Variants in ACVR1 observed in about 807,000 individuals in gnomAD.
ACVR1 encodes activin receptor type-1.
A neutral mutation model predicts 57.1 loss-of-function variants in ACVR1; 38 were observed. The observed-to-expected ratio is 0.67, with a 90% confidence interval of 0.51 to 0.87. The LOEUF (loss-of-function observed/expected upper bound fraction) is 0.87. Among genes scored for constraint, ACVR1 ranks in the 40% least tolerant of loss-of-function variants. The probability of loss-of-function intolerance (pLI) is 0.00; values close to 1 mark genes in which losing one functional copy is unlikely to be tolerated. For missense variants in ACVR1, 463 were observed against 638.2 expected (o/e 0.73, Z 2.96); for synonymous variants, 212 against 228.1 (o/e 0.93, Z 0.63).
intron 9 of ACVR1, among the ~76,000 whole-genome samples, chr2:157,752,048 C>CA (rs1336027106): frequency 6.6e-6 from 1 of 152,184 alleles, no homozygotes; most frequent in African/African-American, 2.4e-5. Context: ...CTCACAGAGT[C>CA]CATTTCATTC....
intron 9 of ACVR1, among the ~76,000 whole-genome samples, chr2:157,753,203 T>TA (rs1685277039): frequency 6.6e-6 from 1 of 152,090 alleles, no homozygotes; most frequent in Admixed American, 6.5e-5. Flanking sequence ...CAACATCATT[T>TA]AAAAAAGACA....
chr2:157,854,999 A>C (rs1392140868), intron 1 of ACVR1, among the ~76,000 whole-genome samples: 2 of 152,144 alleles, frequency 1.3e-5, no homozygotes, highest in Non-Finnish European at 2.9e-5. Flanking sequence ...AGATCGTGCC[A>C]CTGCACTCCA....
At chr2:157,827,712 T>C (rs1200088816) in intron 1 of ACVR1, among the ~76,000 whole-genome samples, 2 of 152,142 alleles carry the variant, frequency 1.3e-5, no homozygotes, top group African/African-American at 2.4e-5. Context: ...TTGGTGGTCT[T>C]GAGCACTAGT....
intron 3 of ACVR1, among the ~76,000 whole-genome samples, chr2:157,783,505 C>T (rs2105285570): frequency 6.6e-6 from 1 of 152,330 alleles, no homozygotes; most frequent in East Asian, 1.9e-4. Flanking sequence ...TTATTAAGCA[C>T]TCTCCTTAAA....
At chr2:157,853,904 C>A (rs1689414258) in intron 1 of ACVR1, among the ~76,000 whole-genome samples, 2 of 152,208 alleles carry the variant, frequency 1.3e-5, no homozygotes, top group African/African-American at 4.8e-5. Flanking sequence ...TTCTTCAAGT[C>A]CTCACTTAAT....
At chr2:157,796,398 A>C (rs1439828411) in intron 3 of ACVR1, among the ~76,000 whole-genome samples, 1 of 151,830 alleles carries the variant, frequency 6.6e-6, no homozygotes, top group Non-Finnish European at 1.5e-5. Context: ...CTAAAAATGC[A>C]AAACAATTAG....
intron 2 of ACVR1, among the ~76,000 whole-genome samples, chr2:157,803,022 G>A (rs1325252420): frequency 6.6e-6 from 1 of 151,916 alleles, no homozygotes; most frequent in East Asian, 1.9e-4. Context: ...GCAAGATTAA[G>A]AGATTTATCA....
At chr2:157,792,372 T>A (rs1686949886) in intron 3 of ACVR1, among the ~76,000 whole-genome samples, 1 of 152,208 alleles carries the variant, frequency 6.6e-6, no homozygotes, top group African/African-American at 2.4e-5. Context: ...AGGCCACAGC[T>A]GCTCCAGTGT....
At chr2:157,751,683 C>T (rs1311130193) in intron 9 of ACVR1, among the ~76,000 whole-genome samples, 2 of 152,240 alleles carry the variant, frequency 1.3e-5, no homozygotes, top group African/African-American at 4.8e-5. Flanking sequence ...TAACTGCTGG[C>T]TTTCCCCTAC....
At chr2:157,791,716 G>A (rs1247840995) in intron 3 of ACVR1, among the ~76,000 whole-genome samples, 1 of 152,170 alleles carries the variant, frequency 6.6e-6, no homozygotes, top group Non-Finnish European at 1.5e-5. Context: ...TCTCTTTCCT[G>A]AGAAAGGCTT....
chr2:157,777,047 A>C (rs1686315747), intron 5 of ACVR1, among the ~76,000 whole-genome samples: 1 of 152,258 alleles, frequency 6.6e-6, no homozygotes, highest in Non-Finnish European at 1.5e-5. Context: ...CAGACTCAGC[A>C]TAATATCCAT....
chr2:157,789,114 G>A (rs892824470), intron 3 of ACVR1, among the ~76,000 whole-genome samples: 1 of 152,210 alleles, frequency 6.6e-6, no homozygotes, highest in African/African-American at 2.4e-5. Flanking sequence ...ACAGAATAAA[G>A]ATCTTACAGT....
chr2:157,821,204 C>A (rs1688148555), intron 1 of ACVR1, among the ~76,000 whole-genome samples: 1 of 152,136 alleles, frequency 6.6e-6, no homozygotes, highest in Non-Finnish European at 1.5e-5. Flanking sequence ...AAAACCAACT[C>A]CCCAAAAAGA....
intron 9 of ACVR1, among the ~76,000 whole-genome samples, chr2:157,755,546 AC>A (rs1685391672): frequency 1.3e-5 from 2 of 151,710 alleles, no homozygotes; most frequent in African/African-American, 4.8e-5. Context: ...ACCATACCAT[AC>A]CATACCATAC....
At chr2:157,743,544 C>T (rs1435361021) in intron 9 of ACVR1, among the ~76,000 whole-genome samples, 1 of 151,786 alleles carries the variant, frequency 6.6e-6, no homozygotes, top group African/African-American at 2.4e-5. Context: ...TTTTTCAAAA[C>T]TCTCAAGGTT....
chr2:157,819,147 T>G (rs1004059638), intron 1 of ACVR1, among the ~76,000 whole-genome samples: 1 of 149,224 alleles, frequency 6.7e-6, no homozygotes, highest in Non-Finnish European at 1.5e-5. Context: ...CAAGTTCTTT[T>G]AAAGCCTATA....
intron 1 of ACVR1, among the ~76,000 whole-genome samples, chr2:157,869,040 T>C (rs1033190491): frequency 6.6e-6 from 1 of 152,194 alleles, no homozygotes; most frequent in African/African-American, 2.4e-5. Context: ...CTCCCTCTCA[T>C]CCTTTGGGTG....
chr2:157,835,426 A>T (rs1266222915), intron 1 of ACVR1, among the ~76,000 whole-genome samples: 1 of 152,240 alleles, frequency 6.6e-6, no homozygotes. Context: ...GCACCATTAA[A>T]GGGTAAGTTA....
intron 5 of ACVR1, among the ~76,000 whole-genome samples, chr2:157,777,630 C>T (rs186413465): frequency 1.8e-4 from 28 of 152,310 alleles, no homozygotes; most frequent in Middle Eastern, 3.4e-3. Context: ...CAAATGACTG[C>T]ACTCCACAAG....
Sources: gnomAD v4.1 joint callset for allele counts (sites outside exome capture counted in the v4.1 genomes callset) on GRCh38, gnomAD v4.1.1 for gene constraint, MANE v1.5 for transcripts, NCBI Gene and HGNC (gene_info 2026-07-23, HGNC 2026-07-21) for gene names.